Variants in COL5A2 observed in about 807,000 individuals in gnomAD.
COL5A2 encodes the protein collagen type V alpha 2 chain, also known as collagen alpha-2(V) chain.
A neutral mutation model predicts 208.2 loss-of-function variants in COL5A2; 23 were observed. The ratio of observed to expected loss-of-function variants is 0.11; its 90% confidence interval spans 0.08 to 0.16. The LOEUF is 0.16. COL5A2 is among the 10% of genes least tolerant of loss of function. The pLI is 1.00. For missense variants in COL5A2, 1,590 were observed against 1,956.4 expected (o/e 0.81, Z 3.53); for synonymous variants, 625 against 628.5 (o/e 0.99, Z 0.08).
At chr2:189,255,069 T>G in the COL5A2 span, among the ~76,000 whole-genome samples, 78 of 152,326 alleles carry the variant, frequency 5.1e-4, no homozygotes, top group African/African-American at 1.8e-3. Context: ...CACTCCCACT[T>G]CTACCAATCA....
chr2:189,082,453 C>T (rs181441182), intron 12 of COL5A2, among the ~76,000 whole-genome samples: 30 of 152,312 alleles, frequency 2.0e-4, no homozygotes, highest in African/African-American at 7.0e-4. Context: ...AAGTGTTCAA[C>T]TTAATGCCTC....
chr2:189,130,229 CTA>C (rs547950578), intron 1 of COL5A2, among the ~76,000 whole-genome samples: 26 of 152,076 alleles, frequency 1.7e-4, no homozygotes, highest in African/African-American at 6.0e-4. Context: ...TGGTTAGAAC[CTA>C]TGAGTATGCT....
intron 16 of COL5A2, among the ~76,000 whole-genome samples, chr2:189,075,958 G>C (rs1025041673): frequency 5.3e-5 from 8 of 152,104 alleles, no homozygotes; most frequent in Admixed American, 3.3e-4. Context: ...CTCAGCTAAA[G>C]GGAATTAGCT....
intron 1 of COL5A2, among the ~76,000 whole-genome samples, chr2:189,120,298 A>G (rs1202940162): frequency 6.6e-6 from 1 of 152,126 alleles, no homozygotes; most frequent in Non-Finnish European, 1.5e-5. Flanking sequence ...TTACATACAC[A>G]CTGAAACTTC....
the COL5A2 span, among the ~76,000 whole-genome samples, chr2:189,241,334 A>G: frequency 6.6e-6 from 1 of 152,206 alleles, no homozygotes; most frequent in Non-Finnish European, 1.5e-5. Flanking sequence ...CAATATATTG[A>G]TGTAACAAAA....
chr2:189,249,283 G>T, the COL5A2 span, among the ~76,000 whole-genome samples: 2 of 152,126 alleles, frequency 1.3e-5, no homozygotes, highest in African/African-American at 4.8e-5. Flanking sequence ...CAGTTTTTAA[G>T]CAATGAACCT....
At chr2:189,360,938 AG>A in the COL5A2 span, among the ~76,000 whole-genome samples, 1 of 150,820 alleles carries the variant, frequency 6.6e-6, no homozygotes, top group Non-Finnish European at 1.5e-5. Context: ...GTCCCTGCAA[AG>A]GACATGATCT....
At chr2:189,424,216 T>G in the COL5A2 span, among the ~76,000 whole-genome samples, 1 of 152,116 alleles carries the variant, frequency 6.6e-6, no homozygotes, top group African/African-American at 2.4e-5. Context: ...ATAAAGGCCA[T>G]AGCTAACAGA....
the COL5A2 span, among the ~76,000 whole-genome samples, chr2:189,394,246 G>A: frequency 1.3e-5 from 2 of 151,280 alleles, no homozygotes; most frequent in Non-Finnish European, 2.9e-5. Context: ...AAGAGTATAA[G>A]AAAGATTTTG....
chr2:189,102,305 T>C (rs925033615), intron 3 of COL5A2, among the ~76,000 whole-genome samples: 5 of 152,116 alleles, frequency 3.3e-5, no homozygotes, highest in African/African-American at 1.2e-4. Flanking sequence ...ATACCTGTCT[T>C]ACCTAAATTG....
At chr2:189,061,637 A>G (rs1323321321) in intron 29 of COL5A2, 22 bp from the exon 30 acceptor site, 2 of 1,581,066 alleles carry the variant, frequency 1.3e-6, no homozygotes, top group Non-Finnish European at 8.7e-7. Flanking sequence ...AGGAGAAAAT[A>G]ATTGTGAATA....
chr2:189,036,033 A>G (rs1685437217), intron 52 of COL5A2, among the ~76,000 whole-genome samples: 2 of 152,134 alleles, frequency 1.3e-5, no homozygotes, highest in Non-Finnish European at 2.9e-5. Context: ...ATTTTACAAA[A>G]TGATTCAATT....
intron 1 of COL5A2, among the ~76,000 whole-genome samples, chr2:189,192,099 A>C (rs1432111398): frequency 6.6e-6 from 1 of 152,208 alleles, no homozygotes; most frequent in African/African-American, 2.4e-5. Context: ...AGCAGCCTGC[A>C]TCAACACAGC....
chr2:189,352,281 T>C, the COL5A2 span, among the ~76,000 whole-genome samples: 10 of 152,302 alleles, frequency 6.6e-5, no homozygotes, highest in South Asian at 8.3e-4. Context: ...TGTGTCTTTA[T>C]AGTAGAATGA....
the COL5A2 span, among the ~76,000 whole-genome samples, chr2:189,398,010 G>A: frequency 6.6e-6 from 1 of 152,134 alleles, no homozygotes; most frequent in East Asian, 1.9e-4. Context: ...AGTTCAAAAT[G>A]TTTTCTAATG....
chr2:189,419,966 G>A, the COL5A2 span, among the ~76,000 whole-genome samples: 1 of 146,768 alleles, frequency 6.8e-6, no homozygotes, highest in South Asian at 2.2e-4. Context: ...TGAGAGGAGA[G>A]GAGAGGAGAG....
the COL5A2 span, among the ~76,000 whole-genome samples, chr2:189,292,498 A>G: frequency 3.3e-5 from 5 of 152,192 alleles, no homozygotes; most frequent in Admixed American, 2.6e-4. Flanking sequence ...AAAACACATG[A>G]AAAAATGCTC....
intron 14 of COL5A2, 124 bp downstream of exon 14, chr2:189,079,854 T>C (rs1341209017): frequency 2.4e-6 from 2 of 839,248 alleles, no homozygotes; most frequent in East Asian, 4.9e-5. Flanking sequence ...TATGTTTATT[T>C]ACCTAACCAT....
At chr2:189,070,662 C>T (rs1559089657) in intron 18 of COL5A2, among the ~76,000 whole-genome samples, 1 of 152,132 alleles carries the variant, frequency 6.6e-6, no homozygotes, top group Non-Finnish European at 1.5e-5. Context: ...GTAGTATAAA[C>T]CTCTTTCTGC....
Sources: gnomAD v4.1 joint callset for allele counts (sites outside exome capture counted in the v4.1 genomes callset) on GRCh38, gnomAD v4.1.1 for gene constraint, MANE v1.5 for transcripts, NCBI Gene and HGNC (gene_info 2026-07-23, HGNC 2026-07-21) for gene names.